PIK3R4: variants seen among roughly 807,000 people sequenced by gnomAD.
PIK3R4 encodes phosphoinositide 3-kinase regulatory subunit 4.
A neutral mutation model predicts 136.5 loss-of-function variants in PIK3R4; 46 were observed. The ratio of observed to expected loss-of-function variants is 0.34; its 90% confidence interval spans 0.27 to 0.43. PIK3R4 has a LOEUF of 0.43. PIK3R4 is among the 20% of genes least tolerant of loss of function. The pLI is 1.00. For synonymous variants in PIK3R4, 557 were observed against 566.7 expected, an observed-to-expected ratio of 0.98 and a Z score of 0.24; for missense variants, 1,331 against 1,649.5, an observed-to-expected ratio of 0.81 and a Z score of 3.35.
At chr3:130,705,812 A>G in intron 11 of PIK3R4, 41 bp from the exon 12 acceptor site, 5 of 1,242,394 alleles carry the variant, frequency 4.0e-6, no homozygotes, top group Admixed American at 3.5e-5. Context: ...CGTCGTAAGC[A>G]AAGTATATTT....
chr3:130,703,953 C>T, intron 12 of PIK3R4, 65 bp from the exon 13 acceptor site: 1 of 1,050,418 alleles, frequency 9.5e-7, no homozygotes. Flanking sequence ...CCATCATCCC[C>T]TGTTATAATA....
intron 14 of PIK3R4, among the ~76,000 whole-genome samples, chr3:130,689,393 A>G (rs911567304): frequency 1.3e-5 from 2 of 152,250 alleles, no homozygotes; most frequent in East Asian, 1.9e-4. Context: ...ATGTTACTAT[A>G]CAGACATCAT....
At position 130,681,022 on chromosome 3, in the gene PIK3R4, T is replaced by TCTG; in HGVS notation, c.3749_3751dup (p.Ala1250dup). 1 of 1,596,096 alleles carries TCTG rather than the reference T, an allele frequency of 6.3e-7. No homozygotes were observed. Among genetic ancestry groups the TCTG allele is most frequent in the Non-Finnish European group, 8.6e-7 (1 of 1,166,138 alleles). ...AGCTGTTAGTAGGATAGGATTTCCATCTGCAGGACTACAGTAGATACCATG... is the reference window on the plus strand; with the variant it reads ...AGCTGTTAGTAGGATAGGATTTCCATCTGCTGCAGGACTACAGTAGATACCATG... On this transcript the variant is annotated inframe_insertion, in exon 18 of 20. Coordinates refer to ENST00000356763, the MANE Select transcript of PIK3R4 (RefSeq NM_014602.3).
intron 8 of PIK3R4, 126 bp from the exon 9 acceptor site, chr3:130,716,725 G>A: frequency 1.6e-6 from 1 of 637,058 alleles, no homozygotes; most frequent in African/African-American, 1.8e-5. Context: ...ATCAACATCT[G>A]TAAGTGTGTA....
At chr3:130,706,207 A>G (rs1004449620) in intron 11 of PIK3R4, among the ~76,000 whole-genome samples, 3 of 144,100 alleles carry the variant, frequency 2.1e-5, no homozygotes, top group African/African-American at 7.5e-5. Context: ...CATCCCAAAA[A>G]GCAGATCATA....
chr3:130,719,470 A>G (rs1235198981), intron 7 of PIK3R4, among the ~76,000 whole-genome samples: 1 of 152,224 alleles, frequency 6.6e-6, no homozygotes, highest in Non-Finnish European at 1.5e-5. Flanking sequence ...GATGCGTTCA[A>G]AATATCTATC....
At chr3:130,684,455 A>T (rs954071222) in intron 15 of PIK3R4, 74 bp from the exon 16 acceptor site, 1 of 1,325,520 alleles carries the variant, frequency 7.5e-7, no homozygotes, top group Non-Finnish European at 1.1e-6. Flanking sequence ...ACAAATGAAA[A>T]ATAGTATTAG....
chr3:130,745,492 C>G lies in PIK3R4; in HGVS notation c.-46-228G>C, dbSNP rs533753045. On this transcript the variant is annotated intron_variant, in intron 1 of 19. Coordinates refer to ENST00000356763, the MANE Select transcript of PIK3R4 (RefSeq NM_014602.3). ...GACCTTGTTATTTTACCTAAAAATA[C>G]CCTGCTATTGCGCATCGCCATTTCC... Among the ~76,000 whole-genome samples, 47 of 152,310 alleles carry G rather than the reference C, an allele frequency of 3.1e-4. 1 individual carries two copies. The highest frequency in any genetic ancestry group is 1.1e-3 in the African/African-American group (46 of 41,560).
At chr3:130,740,963 G>A (rs998503625) in intron 2 of PIK3R4, among the ~76,000 whole-genome samples, 1 of 152,098 alleles carries the variant, frequency 6.6e-6, no homozygotes, top group Non-Finnish European at 1.5e-5. Flanking sequence ...TTAAAAGTCT[G>A]TAAGTTTTTA....
In PIK3R4 at chr3:130,684,286, A is replaced by AG. The variant is rs775046666; in HGVS notation, c.3570dup (p.Ser1191LeufsTer29). The AG allele has an allele frequency of 6.2e-7, 1 of 1,613,550 alleles. No homozygotes were observed. The highest frequency in any genetic ancestry group is 1.1e-5 in the South Asian group (1 of 91,064). On this transcript the variant is annotated frameshift_variant, in exon 16 of 20. Coordinates refer to ENST00000356763, the MANE Select transcript of PIK3R4 (RefSeq NM_014602.3). LOFTEE classifies it high-confidence loss of function. ...CAGGACTGATACAGAGGGTGCATTG[A>AG]GAGGCGTCTGATTCGAGCCCTGGAA...
At chr3:130,719,685 T>A (rs949706270) in intron 7 of PIK3R4, among the ~76,000 whole-genome samples, 2 of 152,174 alleles carry the variant, frequency 1.3e-5, no homozygotes, top group Admixed American at 6.5e-5. Context: ...AGTTGGGAAC[T>A]GTATTATACT....
chr3:130,703,250 T>G (rs1395676674), intron 13 of PIK3R4, among the ~76,000 whole-genome samples: 3 of 152,186 alleles, frequency 2.0e-5, no homozygotes, highest in Admixed American at 2.0e-4. Context: ...CTCACTTTGC[T>G]CCAGCCACAA....
In PIK3R4 at chr3:130,728,343, T is replaced by C. The variant is rs532652879; in HGVS notation, c.1807+120A>G. The C allele has an allele frequency of 1.4e-5, 9 of 658,924 alleles. No individual in the cohort carries two copies. The East Asian group carries it at 2.0e-4, about 15-fold the overall frequency. The allele number at this position is 658,924 out of a possible 1,614,324, so 40.8% of individuals were successfully genotyped here. ...TCCAAAAGCAGCATGAAGACAGAAATACTAGGAATTCATTTCATTATTAAT... is the reference window on the plus strand; with the variant it reads ...TCCAAAAGCAGCATGAAGACAGAAACACTAGGAATTCATTTCATTATTAAT... On this transcript the variant is annotated intron_variant, in intron 6 of 19. Transcript: ENST00000356763.
chr3:130,705,914 A>G, intron 11 of PIK3R4, 143 bp from the exon 12 acceptor site: 1 of 517,946 alleles, frequency 1.9e-6, no homozygotes, highest in African/African-American at 2.0e-5. Context: ...TATAATTACA[A>G]TTACATTTTT....
intron 15 of PIK3R4, 74 bp downstream of exon 15, chr3:130,686,137 C>A: frequency 6.0e-5 from 49 of 818,086 alleles, no homozygotes; most frequent in East Asian, 1.9e-4. Flanking sequence ...GAGGAAAAAA[C>A]TGATTTCACA....
intron 16 of PIK3R4, among the ~76,000 whole-genome samples, chr3:130,682,490 T>C (rs2066465133): frequency 1.3e-5 from 2 of 152,092 alleles, no homozygotes; most frequent in Admixed American, 6.5e-5. Flanking sequence ...TAAGTTGTGA[T>C]GTAATAGGAA....
chr3:130,726,902 A>G (rs565668204), intron 6 of PIK3R4, among the ~76,000 whole-genome samples: 5 of 152,292 alleles, frequency 3.3e-5, no homozygotes, highest in Admixed American at 2.0e-4. Context: ...AGACAAAAAG[A>G]TGTAAGAATC....
At chr3:130,730,805 C>T (rs2066756750) in intron 4 of PIK3R4, among the ~76,000 whole-genome samples, 1 of 151,812 alleles carries the variant, frequency 6.6e-6, no homozygotes, top group South Asian at 2.1e-4. Flanking sequence ...GAAACATCCA[C>T]ATTAAAATAA....
At position 130,705,784 on chromosome 3, in the gene PIK3R4, T is replaced by C. The variant is rs952842915; in HGVS notation, c.2722-13A>G. Reference sequence around the variant, plus strand: ...TCACTTCTGGAACCTACAAAACAAATAGAATTCTAACTATTTACGTCGTAA... The same window carrying C: ...TCACTTCTGGAACCTACAAAACAAACAGAATTCTAACTATTTACGTCGTAA... On this transcript the variant is annotated splice_polypyrimidine_tract_variant and intron_variant, in intron 11 of 19. Transcript: ENST00000356763. 22 of 1,521,910 alleles carry C rather than the reference T, an allele frequency of 1.4e-5. No individual in the cohort carries two copies. Among genetic ancestry groups the C allele is most frequent in the South Asian group, 5.6e-5 (5 of 88,790 alleles). The allele number at this position is 1,521,910 out of a possible 1,614,324, so 94.3% of individuals were successfully genotyped here.
Sources: allele counts gnomAD v4.1 joint callset (sites outside exome capture counted in the v4.1 genomes callset), GRCh38; gene constraint gnomAD v4.1.1; transcripts MANE v1.5; gene names NCBI Gene and HGNC (gene_info 2026-07-23, HGNC 2026-07-21).